The following TAF9 variants were observed in gnomAD, a reference collection of about 807,000 sequenced individuals.
TAF9 encodes the protein transcription initiation factor TFIID subunit 9.
In TAF9, 10 loss-of-function variants were observed where a neutral mutation model predicts 16.5. The observed-to-expected ratio is 0.61, with a 90% confidence interval of 0.37 to 1.03. The LOEUF is 1.03. TAF9 is among the 50% of genes least tolerant of loss of function. The pLI is 0.01. For synonymous variants in TAF9, 105 were observed against 120.5 expected (o/e 0.87, Z 0.84); for missense variants, 288 against 319.1 (o/e 0.90, Z 0.74).
At position 69,369,226 on chromosome 5, in the gene TAF9, A is replaced by ACCCCCCC. The variant is rs200123392; in HGVS notation, c.-111+230_-111+236dup. The ACCCCCCC allele has an allele frequency of 4.8e-3, 603 of 124,500 alleles. 91 individuals carry two copies. The highest frequency in any genetic ancestry group is 0.014 in the South Asian group (87 of 6,236). 7.7% of individuals were successfully genotyped at this position (124,500 alleles called of 1,614,324 possible). A position where few individuals can be genotyped will look rare whatever the true frequency, so the allele number is the denominator to read the frequency against. Reference sequence around the variant, plus strand: ...GAGCTGGATCTGCCGACCTCTCTCCACCCCCCCCCGCCCCCCCCCGGAGCC... The same window carrying ACCCCCCC: ...GAGCTGGATCTGCCGACCTCTCTCCACCCCCCCCCCCCCCCCGCCCCCCCCCGGAGCC... On this transcript the variant is annotated intron_variant, in intron 1 of 2. Coordinates refer to ENST00000217893, the MANE Select transcript of TAF9 (RefSeq NM_003187.5).
At chr5:69,367,051 G>T (rs1285307740) in intron 1 of TAF9, among the ~76,000 whole-genome samples, 2 of 151,978 alleles carry the variant, frequency 1.3e-5, no homozygotes, top group Non-Finnish European at 2.9e-5. Context: ...GAGCCACCAT[G>T]CCTGGCCATA....
chr5:69,369,094 A>T (rs1762692712), intron 1 of TAF9: 1 of 364,556 alleles, frequency 2.7e-6, no homozygotes, highest in African/African-American at 2.2e-5. Flanking sequence ...ATATGGCCTT[A>T]CGTTATTTCG....
intron 1 of TAF9, among the ~76,000 whole-genome samples, chr5:69,368,614 C>T (rs1423228620): frequency 6.6e-6 from 1 of 152,208 alleles, no homozygotes; most frequent in Non-Finnish European, 1.5e-5. Flanking sequence ...TTGTGCGCTG[C>T]CAACAATTTT....
Position 69,365,058 on chromosome 5 carries a change from GTAA to G in TAF9, c.677_679del (p.Ile226del). 3.1e-6 allele frequency: 5 copies of G among 1,613,974 alleles called. No individual in the cohort carries two copies. The highest frequency in any genetic ancestry group is 4.2e-6 in the Non-Finnish European group (5 of 1,179,854). The stretch of plus-strand genomic sequence containing the variant: ...ATTTTGTGATGACATCATATTAGTG[GTAA>G]TAAGAATGTTTTTGGACCCGATTAA... On this transcript the variant is annotated inframe_deletion, in exon 3 of 3. Transcript: ENST00000217893.
Position 69,365,677 on chromosome 5 carries a change from G to C in TAF9, c.61C>G (p.Gln21Glu). Residue 21 changes from glutamine to glutamate, a missense_variant, in exon 3 of 3, where the codon CAA becomes GAA. By Grantham distance (29) the Gln-to-Glu change is conservative. Coordinates refer to ENST00000217893, the MANE Select transcript of TAF9 (RefSeq NM_003187.5). ...GTAATCCCCATATCCTTCAGGATTT[G>C]TGCCATCATCTGTGCATCTTTCGGC... ...SMPKDAQMMA[Q>E]ILKDMGITEY... is the part of the protein sequence containing the mutation. The C allele has an allele frequency of 6.2e-7, 1 of 1,604,996 alleles. No individual in the cohort carries two copies. The highest frequency in any genetic ancestry group is 1.3e-5 in the African/African-American group (1 of 74,806).
Position 69,365,143 on chromosome 5 carries a change from C to A in TAF9, c.595G>T (p.Val199Leu). 6.2e-7 allele frequency: 1 copy of A among 1,614,170 alleles called. No individual in the cohort carries two copies. Among genetic ancestry groups the A allele is most frequent in the Non-Finnish European group, 8.5e-7 (1 of 1,180,018 alleles). ...VQMPTSQSPA[V>L]KASIPATSAV... ...GAGGTTGCAGGAATTGAAGCTTTTACAGCTGGAGACTGAGAAGTAGGCATC... is the reference window on the plus strand; with the variant it reads ...GAGGTTGCAGGAATTGAAGCTTTTAAAGCTGGAGACTGAGAAGTAGGCATC... Residue 199 changes from valine to leucine, a missense_variant, in exon 3 of 3, where the codon GTA (valine) becomes TTA (leucine). Val to Leu is a conservative substitution (Grantham distance 32). Coordinates refer to ENST00000217893, the MANE Select transcript of TAF9 (RefSeq NM_003187.5).
intron 1 of TAF9, among the ~76,000 whole-genome samples, chr5:69,367,467 G>A (rs555575649): frequency 1.5e-5 from 2 of 136,080 alleles, no homozygotes; most frequent in Non-Finnish European, 3.0e-5. Flanking sequence ...CCAAGATCGC[G>A]CCACAGCACT....
At chr5:69,366,834 C>T (rs1307250181) in intron 1 of TAF9, 2 of 464,268 alleles carry the variant, frequency 4.3e-6, no homozygotes, top group Non-Finnish European at 7.8e-6. Context: ...TCTTGGCTCA[C>T]TGCAACCTCC....
At chr5:69,367,503 TC>T (rs1762497528) in intron 1 of TAF9, among the ~76,000 whole-genome samples, 1 of 53,942 alleles carries the variant, frequency 1.9e-5, no homozygotes, top group African/African-American at 4.6e-5. Flanking sequence ...AGACTCCATC[TC>T]AAAAAAAAAA....
chr5:69,367,326 C>T (rs1462409836), intron 1 of TAF9, among the ~76,000 whole-genome samples: 1 of 151,632 alleles, frequency 6.6e-6, no homozygotes, highest in Non-Finnish European at 1.5e-5. Flanking sequence ...TCCTGGCCAA[C>T]ATAGTGAAAC....
rs201882501 is a variant in TAF9 at position 69,369,514 on chromosome 5, G to A, written c.-162C>T. ...ATGGTCCCCGCCGCGACGGCTTCGG[G>A]CGCCTCGCTCACGTGCCCTTTGCTC... On this transcript the variant is annotated 5_prime_UTR_variant, in exon 1 of 3. Transcript: ENST00000217893. 8.0e-4 allele frequency: 1,288 copies of A among 1,611,372 alleles called. 11 individuals are homozygous for A. The African/African-American group carries it at 0.015, about 19-fold the overall frequency.
chr5:69,367,258 A>C (rs971099025), intron 1 of TAF9, among the ~76,000 whole-genome samples: 8 of 151,762 alleles, frequency 5.3e-5, no homozygotes, highest in Non-Finnish European at 1.0e-4. Context: ...CATGCCTGTA[A>C]TCACCGCACT....
At chr5:69,368,355 G>A (rs796911544) in intron 1 of TAF9, among the ~76,000 whole-genome samples, 1 of 151,998 alleles carries the variant, frequency 6.6e-6, no homozygotes, top group Non-Finnish European at 1.5e-5. Context: ...AAGATAACAG[G>A]GATAATCCAG....
At chr5:69,368,642 G>A (rs1488848440) in intron 1 of TAF9, among the ~76,000 whole-genome samples, 2 of 152,140 alleles carry the variant, frequency 1.3e-5, no homozygotes, top group Admixed American at 6.6e-5. Context: ...GGTGAATGAT[G>A]TAACTTTACT....
At position 69,369,502 on chromosome 5, in the gene TAF9, C is replaced by T. The variant is rs1561226258; in HGVS notation, c.-150G>A. On this transcript the variant is annotated 5_prime_UTR_variant, in exon 1 of 3. Transcript: ENST00000217893. ...TTCGGAAGCAACATGGTCCCCGCCG[C>T]GACGGCTTCGGGCGCCTCGCTCACG... The T allele has an allele frequency of 6.2e-7, 1 of 1,611,336 alleles. No homozygotes were observed. The highest frequency in any genetic ancestry group is 1.1e-5 in the South Asian group (1 of 90,922).
chr5:69,366,792 CTT>C (rs1377930122), intron 1 of TAF9, 197 bp from the exon 2 acceptor site: 18 of 560,960 alleles, frequency 3.2e-5, no homozygotes, highest in East Asian at 2.9e-4. Flanking sequence ...GAGTTTCACT[CTT>C]GTCGCCCAGG....
At position 69,365,648 on chromosome 5, in the gene TAF9, T is replaced by A. The variant is rs1762389098; in HGVS notation, c.90A>T (p.Glu30Asp). The change falls in exon 3 of 3, where the codon GAA (glutamate) becomes GAT (aspartate). Residue 30 changes from glutamate (E) to aspartate (D), a missense_variant. Physicochemically the swap from Glu to Asp is conservative, Grantham distance 45. Coordinates refer to ENST00000217893, the MANE Select transcript of TAF9 (RefSeq NM_003187.5). Reference protein sequence around the residue: ...AQILKDMGITEYEPRVINQML... With the variant: ...AQILKDMGITDYEPRVINQML... The stretch of plus-strand genomic sequence containing the variant: ...TCTGATTTATAACTCTTGGCTCATA[T>A]TCTGTAATCCCCATATCCTTCAGGA... 3 of 1,613,786 alleles carry A rather than the reference T, an allele frequency of 1.9e-6. No individual in the cohort carries two copies. The highest frequency in any genetic ancestry group is 2.5e-6 in the Non-Finnish European group (3 of 1,179,796).
Position 69,365,808 on chromosome 5 carries a change from T to C in TAF9, c.-17-54A>G, listed in dbSNP as rs1762396261. 2.3e-6 allele frequency: 3 copies of C among 1,301,634 alleles called. No homozygotes were observed. The Admixed American group carries it at 7.9e-5, about 34-fold the overall frequency. The allele number at this position is 1,301,634 out of a possible 1,614,324, so 80.6% of individuals were successfully genotyped here. ...ATTAGATCAATCTGAAATAGTTACT[T>C]TAGTAGCAACTGTCAGGAACTTAAA... On this transcript the variant is annotated intron_variant, in intron 2 of 2. Coordinates refer to ENST00000217893, the MANE Select transcript of TAF9 (RefSeq NM_003187.5).
intron 1 of TAF9, among the ~76,000 whole-genome samples, chr5:69,367,062 T>C (rs928123141): frequency 1.3e-5 from 2 of 152,008 alleles, no homozygotes; most frequent in Middle Eastern, 3.2e-3. Context: ...CCTGGCCATA[T>C]GTAAATTAGC....
Sources: gnomAD v4.1 joint callset for allele counts (sites outside exome capture counted in the v4.1 genomes callset) on GRCh38, gnomAD v4.1.1 for gene constraint, MANE v1.5 for transcripts, NCBI Gene and HGNC (gene_info 2026-07-23, HGNC 2026-07-21) for gene names.